CERS6: variants seen among roughly 807,000 people sequenced by gnomAD.
CERS6 encodes the protein LAG1 homolog, ceramide synthase 6.
Under a neutral mutation model 56.8 loss-of-function variants are expected in CERS6, and 26 were observed. The observed-to-expected ratio is 0.46, with a 90% CI of 0.34 to 0.63. The LOEUF is 0.63. Among genes scored for constraint, CERS6 ranks in the 30% least tolerant of loss-of-function variants. CERS6 has a pLI of 0.01. For synonymous variants in CERS6, 164 were observed against 173.3 expected, an observed-to-expected ratio of 0.95 and a Z score of 0.42; for missense variants, 415 against 467.5, an observed-to-expected ratio of 0.89 and a Z score of 1.04.
At chr2:168,678,321 T>A (rs909682782) in intron 4 of CERS6, among the ~76,000 whole-genome samples, 3 of 152,176 alleles carry the variant, frequency 2.0e-5, no homozygotes, top group Admixed American at 6.5e-5. Context: ...GGGAGCTAGA[T>A]TCCTGCCTCA....
intron 8 of CERS6, among the ~76,000 whole-genome samples, chr2:168,731,206 T>A (rs1157158739): frequency 6.6e-6 from 1 of 152,160 alleles, no homozygotes; most frequent in East Asian, 1.9e-4. Context: ...TTGGGATTGT[T>A]TCCCAAAATA....
chr2:168,761,232 C>G (rs1684573402), intron 8 of CERS6, among the ~76,000 whole-genome samples: 1 of 152,104 alleles, frequency 6.6e-6, no homozygotes, highest in African/African-American at 2.4e-5. Context: ...CAAAGAAAAT[C>G]CCATTACTTT....
At chr2:168,502,098 G>A (rs1241905693) in intron 1 of CERS6, among the ~76,000 whole-genome samples, 2 of 152,054 alleles carry the variant, frequency 1.3e-5, no homozygotes, top group Non-Finnish European at 2.9e-5. Flanking sequence ...AACACATTGC[G>A]AAGTTTGTAT....
chr2:168,753,541 C>A (rs765701076), intron 8 of CERS6, among the ~76,000 whole-genome samples: 2 of 152,174 alleles, frequency 1.3e-5, no homozygotes, highest in Admixed American at 1.3e-4. Context: ...TCAGTTTCCA[C>A]AACTCTGACT....
intron 8 of CERS6, among the ~76,000 whole-genome samples, chr2:168,731,652 C>T (rs1489103005): frequency 6.6e-6 from 1 of 152,070 alleles, no homozygotes; most frequent in Non-Finnish European, 1.5e-5. Context: ...TATCTTGCCC[C>T]TTCCATGCAG....
chr2:168,635,699 T>C (rs1684846481), intron 4 of CERS6, among the ~76,000 whole-genome samples: 3 of 152,168 alleles, frequency 2.0e-5, no homozygotes, highest in African/African-American at 4.8e-5. Flanking sequence ...CCCCATTACA[T>C]TGACTTCATG....
At chr2:168,763,997 T>C (rs1466636239) in intron 8 of CERS6, among the ~76,000 whole-genome samples, 1 of 152,190 alleles carries the variant, frequency 6.6e-6, no homozygotes, top group Non-Finnish European at 1.5e-5. Flanking sequence ...AAAACCAGCC[T>C]TTTATGTATC....
chr2:168,743,093 C>T (rs375158901), intron 8 of CERS6, among the ~76,000 whole-genome samples: 7 of 152,002 alleles, frequency 4.6e-5, no homozygotes, highest in African/African-American at 1.4e-4. Flanking sequence ...TTGGGGCCGA[C>T]CCTAACACTC....
At chr2:168,677,119 A>G (rs1454216919) in intron 4 of CERS6, among the ~76,000 whole-genome samples, 3 of 150,310 alleles carry the variant, frequency 2.0e-5, no homozygotes, top group Non-Finnish European at 4.4e-5. Flanking sequence ...TGCTGCACCC[A>G]TCAACCCATC....
intron 1 of CERS6, among the ~76,000 whole-genome samples, chr2:168,474,062 T>C (rs1233954782): frequency 6.6e-6 from 1 of 152,186 alleles, no homozygotes; most frequent in African/African-American, 2.4e-5. Flanking sequence ...AGATCATGTC[T>C]CTCAAAAAAA....
intron 6 of CERS6, among the ~76,000 whole-genome samples, chr2:168,696,069 C>G (rs984595219): frequency 2.0e-5 from 3 of 152,168 alleles, no homozygotes; most frequent in African/African-American, 7.2e-5. Context: ...GAAAACAGTT[C>G]TAATCCCAAG....
At chr2:168,652,458 T>C (rs933487428) in intron 4 of CERS6, among the ~76,000 whole-genome samples, 2 of 152,188 alleles carry the variant, frequency 1.3e-5, no homozygotes, top group African/African-American at 4.8e-5. Flanking sequence ...TGCGTTTCTT[T>C]GTTTTCAATC....
intron 6 of CERS6, among the ~76,000 whole-genome samples, chr2:168,703,485 G>T (rs1051734563): frequency 1.3e-5 from 2 of 151,990 alleles, no homozygotes; most frequent in Non-Finnish European, 2.9e-5. Flanking sequence ...TTGAACCCGA[G>T]AGGCGGAGAT....
intron 3 of CERS6, among the ~76,000 whole-genome samples, chr2:168,594,029 A>T (rs557156768): frequency 6.6e-6 from 1 of 152,360 alleles, no homozygotes; most frequent in Middle Eastern, 3.4e-3. Context: ...TGTTTTATTT[A>T]AAAACTTTCA....
chr2:168,769,107 G>T (rs566109552), intron 9 of CERS6, among the ~76,000 whole-genome samples: 1 of 151,898 alleles, frequency 6.6e-6, no homozygotes, highest in East Asian at 1.9e-4. Context: ...ATGGTTAATT[G>T]AGAGCTGATT....
At position 168,775,130 on chromosome 2, in the gene CERS6, G is replaced by A. The variant is rs1447070124; in HGVS notation, c.*5468G>A. ...TTCATAATAAAGATAAGTATTAAGA[G>A]TGCAGTGTAAGTGCCCTTTACTGTA... On this transcript the variant is annotated 3_prime_UTR_variant, in exon 10 of 10. Coordinates refer to ENST00000305747, the MANE Select transcript of CERS6 (RefSeq NM_203463.3). 3 of 152,162 alleles carry A rather than the reference G, an allele frequency of 2.0e-5. No homozygotes were observed. The highest frequency in any genetic ancestry group is 7.2e-5 in the African/African-American group (3 of 41,450). The allele number at this position is 152,162 out of a possible 1,614,324, so 9.4% of individuals were successfully genotyped here. A position where few individuals can be genotyped will look rare whatever the true frequency, so the allele number is the denominator to read the frequency against.
chr2:168,598,679 T>C lies in CERS6; in HGVS notation c.408-32306T>C, dbSNP rs533618392. ...CCCCAACCAGTACAGAAAGAAAATT[T>C]AATAACGTAGCTTACAAGATTGTCT... On this transcript the variant is annotated intron_variant, in intron 3 of 9. Transcript: ENST00000305747. Among the ~76,000 whole-genome samples, 6 of 152,304 alleles carry C rather than the reference T, an allele frequency of 3.9e-5. No individual in the cohort carries two copies. The South Asian group carries it at 1.2e-3, about 32-fold the overall frequency.
intron 4 of CERS6, among the ~76,000 whole-genome samples, chr2:168,669,327 C>G (rs1685848460): frequency 6.6e-6 from 1 of 152,200 alleles, no homozygotes; most frequent in East Asian, 1.9e-4. Flanking sequence ...TAAGTCATCT[C>G]TTGTTAAACA....
chr2:168,523,430 A>G (rs1490377158), intron 1 of CERS6, among the ~76,000 whole-genome samples: 1 of 152,172 alleles, frequency 6.6e-6, no homozygotes, highest in Non-Finnish European at 1.5e-5. Flanking sequence ...ATTGTCTGAG[A>G]TGAATCATAA....
Sources: allele counts gnomAD v4.1 joint callset (sites outside exome capture counted in the v4.1 genomes callset), GRCh38; gene constraint gnomAD v4.1.1; transcripts MANE v1.5; gene names NCBI Gene and HGNC (gene_info 2026-07-23, HGNC 2026-07-21).